The following WWOX variants were observed in gnomAD, a reference collection of about 807,000 sequenced individuals.
The protein encoded by WWOX is WW domain-containing oxidoreductase.
A neutral mutation model predicts 46.2 loss-of-function variants in WWOX; 69 were observed. The observed-to-expected ratio is 1.49, with a 90% CI of 1.23 to 1.82. WWOX has a LOEUF of 1.82. Ranked by LOEUF, WWOX falls within the 40% of genes most tolerant of loss-of-function variation. The pLI is 0.00. For synonymous variants in WWOX, 359 were observed against 202.6 expected (o/e 1.77, Z -6.56); for missense variants, 919 against 542.6 (o/e 1.69, Z -6.89).
At chr16:79,153,761 G>GT (rs952094040) in intron 8 of WWOX, among the ~76,000 whole-genome samples, 2 of 151,952 alleles carry the variant, frequency 1.3e-5, no homozygotes, top group Admixed American at 6.6e-5. Context: ...TTTGGGGGGG[G>GT]TTTTTTGTTG....
chr16:79,020,102 A>G (rs559201052), intron 8 of WWOX, among the ~76,000 whole-genome samples: 2 of 152,302 alleles, frequency 1.3e-5, no homozygotes, highest in East Asian at 3.9e-4. Context: ...TGGACAATTG[A>G]TGAACAACTA....
intron 8 of WWOX, among the ~76,000 whole-genome samples, chr16:78,518,366 G>T (rs1052012059): frequency 2.0e-5 from 3 of 151,968 alleles, no homozygotes; most frequent in Admixed American, 2.0e-4. Flanking sequence ...CGAGTAGCTG[G>T]GACTATAGGC....
At chr16:79,106,037 A>G (rs1186667104) in intron 8 of WWOX, 1 of 152,202 alleles carries the variant, frequency 6.6e-6, no homozygotes, top group Admixed American at 6.5e-5. Context: ...ATAGTATCCC[A>G]TTATATGCTT....
intron 5 of WWOX, among the ~76,000 whole-genome samples, chr16:78,316,477 G>A (rs1313126821): frequency 1.3e-5 from 2 of 152,160 alleles, no homozygotes; most frequent in Non-Finnish European, 1.5e-5. Flanking sequence ...TGAGTAGCTG[G>A]GATTACAGGT....
intron 8 of WWOX, among the ~76,000 whole-genome samples, chr16:78,727,865 G>A (rs1334378283): frequency 6.6e-6 from 1 of 151,804 alleles, no homozygotes; most frequent in African/African-American, 2.4e-5. Flanking sequence ...TTGGTATCAG[G>A]ACTCTAAACT....
intron 8 of WWOX, among the ~76,000 whole-genome samples, chr16:78,441,911 C>T (rs1389032649): frequency 6.6e-6 from 1 of 150,378 alleles, no homozygotes; most frequent in Non-Finnish European, 1.5e-5. Context: ...CATTATTTTC[C>T]CCAGCTTTAC....
chr16:78,774,065 C>T (rs558262434), intron 8 of WWOX, among the ~76,000 whole-genome samples: 26 of 152,230 alleles, frequency 1.7e-4, no homozygotes, highest in African/African-American at 4.8e-4. Context: ...TTGAAGGAAG[C>T]CCGTCTAGGT....
intron 8 of WWOX, among the ~76,000 whole-genome samples, chr16:78,937,920 G>T (rs1252471008): frequency 6.6e-6 from 1 of 152,176 alleles, no homozygotes; most frequent in Non-Finnish European, 1.5e-5. Context: ...GTGCCACCAT[G>T]TGTGGCTATA....
chr16:79,022,344 C>CAAA (rs10654627), intron 8 of WWOX, among the ~76,000 whole-genome samples: 9,191 of 70,848 alleles, frequency 0.13, 592 homozygotes, highest in African/African-American at 0.16. Context: ...CAATCTGTGG[C>CAAA]AAAAAAAAAA....
At chr16:78,809,547 A>G (rs1042487894) in intron 8 of WWOX, among the ~76,000 whole-genome samples, 9 of 151,970 alleles carry the variant, frequency 5.9e-5, no homozygotes, top group Non-Finnish European at 1.2e-4. Context: ...ACTTGCCCCA[A>G]ATAGGTAGAA....
chr16:79,170,958 G>A (rs4888932), intron 8 of WWOX, among the ~76,000 whole-genome samples: 1 of 151,934 alleles, frequency 6.6e-6, no homozygotes. Flanking sequence ...AAATATTCCT[G>A]CATGCACACT....
chr16:78,392,476 G>A (rs2082197345), intron 6 of WWOX, among the ~76,000 whole-genome samples: 1 of 152,066 alleles, frequency 6.6e-6, no homozygotes, highest in Non-Finnish European at 1.5e-5. Context: ...TAGAAATAAA[G>A]TGCACAATAA....
intron 8 of WWOX, among the ~76,000 whole-genome samples, chr16:79,096,302 G>T (rs1490423120): frequency 1.3e-5 from 2 of 152,020 alleles, no homozygotes; most frequent in East Asian, 3.9e-4. Flanking sequence ...CTTTCTGAAG[G>T]CGTCCCCTGT....
At chr16:78,150,149 C>G (rs897228861) in intron 4 of WWOX, among the ~76,000 whole-genome samples, 1 of 152,202 alleles carries the variant, frequency 6.6e-6, no homozygotes, top group Non-Finnish European at 1.5e-5. Context: ...ACCATCTCCT[C>G]AGGCTTGATA....
At chr16:78,608,433 C>T (rs2045816740) in intron 8 of WWOX, among the ~76,000 whole-genome samples, 1 of 152,172 alleles carries the variant, frequency 6.6e-6, no homozygotes, top group Non-Finnish European at 1.5e-5. Context: ...TGTGCTCTTG[C>T]CCCAGGCAGA....
intron 8 of WWOX, among the ~76,000 whole-genome samples, chr16:78,782,887 C>T (rs1026485789): frequency 2.6e-5 from 4 of 152,156 alleles, no homozygotes; most frequent in Non-Finnish European, 4.4e-5. Context: ...TGTCTTCTCT[C>T]TCAGAATGTA....
At chr16:78,826,020 G>A in intron 8 of WWOX, 2 of 537,434 alleles carry the variant, frequency 3.7e-6, no homozygotes, top group Non-Finnish European at 3.3e-6. Context: ...GCTGTCCTTG[G>A]CAGTTGTATT....
intron 8 of WWOX, among the ~76,000 whole-genome samples, chr16:79,151,973 G>A (rs1473978450): frequency 6.6e-6 from 1 of 152,190 alleles, no homozygotes; most frequent in African/African-American, 2.4e-5. Context: ...AAAGGCAACA[G>A]AAAGGTCTCT....
At chr16:78,460,483 C>T (rs1056383956) in intron 8 of WWOX, among the ~76,000 whole-genome samples, 1 of 152,178 alleles carries the variant, frequency 6.6e-6, no homozygotes, top group Admixed American at 6.5e-5. Flanking sequence ...CCTTTCCTCC[C>T]TGAATACTCA....
Sources: gnomAD v4.1 joint callset for allele counts (sites outside exome capture counted in the v4.1 genomes callset) on GRCh38, gnomAD v4.1.1 for gene constraint, MANE v1.5 for transcripts, NCBI Gene and HGNC (gene_info 2026-07-23, HGNC 2026-07-21) for gene names.